Variants in KHDRBS2 observed in about 807,000 individuals in gnomAD.
KHDRBS2 encodes the protein KH RNA binding domain containing, signal transduction associated 2, also known as KH domain-containing, RNA-binding, signal transduction-associated protein 2.
A neutral mutation model predicts 44.3 loss-of-function variants in KHDRBS2; 26 were observed. That is an observed-to-expected ratio of 0.59 (90% CI 0.43 to 0.81). KHDRBS2 has a LOEUF of 0.81. KHDRBS2 is among the 40% of genes least tolerant of loss of function. KHDRBS2 has a pLI of 0.00. For missense variants in KHDRBS2, 476 were observed against 433.1 expected, an observed-to-expected ratio of 1.10 and a Z score of -0.88; for synonymous variants, 194 against 151.1, an observed-to-expected ratio of 1.28 and a Z score of -2.08.
At chr6:62,243,333 G>C (rs1423099367) in intron 1 of KHDRBS2, among the ~76,000 whole-genome samples, 1 of 149,132 alleles carries the variant, frequency 6.7e-6, no homozygotes, top group Non-Finnish European at 1.5e-5. Context: ...GACTGACATG[G>C]TGCAGTTATA....
chr6:62,205,837 T>C (rs1223784951), intron 1 of KHDRBS2, among the ~76,000 whole-genome samples: 2 of 152,106 alleles, frequency 1.3e-5, no homozygotes, highest in Non-Finnish European at 2.9e-5. Context: ...GAATACTTTG[T>C]GATTATATTA....
At position 61,851,227 on chromosome 6, in the gene KHDRBS2, G is replaced by A. The variant is rs535966192; in HGVS notation, c.810+43408C>T. ...TATATATACACACACACATATATAT[G>A]TGTATATATGTATATACGTGTGTGT... On this transcript the variant is annotated intron_variant, in intron 6 of 8. Coordinates refer to ENST00000281156, the MANE Select transcript of KHDRBS2 (RefSeq NM_152688.4). 1.2e-4 allele frequency among the ~76,000 whole-genome samples: 18 copies of A among 151,566 alleles called. No homozygotes were observed. The East Asian group carries it at 2.9e-3, about 25-fold the overall frequency.
chr6:62,214,243 T>C (rs1829604537), intron 1 of KHDRBS2, among the ~76,000 whole-genome samples: 1 of 152,114 alleles, frequency 6.6e-6, no homozygotes, highest in Non-Finnish European at 1.5e-5. Context: ...TCAACCACAG[T>C]ATAGACATTT....
chr6:62,123,368 T>C (rs1469189890), intron 2 of KHDRBS2, among the ~76,000 whole-genome samples: 1 of 152,248 alleles, frequency 6.6e-6, no homozygotes, highest in African/African-American at 2.4e-5. Flanking sequence ...TATGTGTGCA[T>C]GTGTCTTTAT....
the KHDRBS2 span, among the ~76,000 whole-genome samples, chr6:61,578,682 G>T: frequency 6.6e-6 from 1 of 152,170 alleles, no homozygotes; most frequent in East Asian, 1.9e-4. Context: ...TATTTTTAAT[G>T]TAATAAAGTT....
At chr6:62,085,516 C>T (rs1336046545) in intron 2 of KHDRBS2, among the ~76,000 whole-genome samples, 1 of 152,038 alleles carries the variant, frequency 6.6e-6, no homozygotes, top group East Asian at 1.9e-4. Flanking sequence ...ACAGAAAATC[C>T]AAGGTCTTTA....
chr6:61,688,127 T>C (rs1767015216), intron 8 of KHDRBS2, among the ~76,000 whole-genome samples: 1 of 151,934 alleles, frequency 6.6e-6, no homozygotes, highest in South Asian at 2.1e-4. Context: ...CTCTGCTGTA[T>C]AGTATCCTGC....
chr6:62,071,040 G>A (rs1794935229), intron 2 of KHDRBS2, among the ~76,000 whole-genome samples: 1 of 152,174 alleles, frequency 6.6e-6, no homozygotes, highest in African/African-American at 2.4e-5. Flanking sequence ...TTTAACTGGT[G>A]TGAGATGGTA....
At chr6:62,230,734 G>A (rs1832763755) in intron 1 of KHDRBS2, among the ~76,000 whole-genome samples, 3 of 152,072 alleles carry the variant, frequency 2.0e-5, no homozygotes, top group African/African-American at 7.2e-5. Context: ...AAGATTCACA[G>A]GGCAATTAAA....
At chr6:62,155,496 A>T (rs1275806741) in intron 2 of KHDRBS2, among the ~76,000 whole-genome samples, 1 of 152,154 alleles carries the variant, frequency 6.6e-6, no homozygotes, top group Non-Finnish European at 1.5e-5. Flanking sequence ...AGAAGATGAG[A>T]TTGCCTGGGA....
the KHDRBS2 span, among the ~76,000 whole-genome samples, chr6:61,630,688 T>C: frequency 2.6e-5 from 4 of 152,096 alleles, no homozygotes; most frequent in South Asian, 2.1e-4. Flanking sequence ...TCCTCAGACA[T>C]TGAGCCAGAG....
chr6:62,072,161 A>G (rs951235320), intron 2 of KHDRBS2, among the ~76,000 whole-genome samples: 9 of 152,152 alleles, frequency 5.9e-5, no homozygotes, highest in Admixed American at 5.2e-4. Flanking sequence ...TTGGTGTATA[A>G]GAGTGCTTGT....
the KHDRBS2 span, among the ~76,000 whole-genome samples, chr6:61,647,486 C>G: frequency 6.6e-6 from 1 of 152,174 alleles, no homozygotes; most frequent in East Asian, 1.9e-4. Flanking sequence ...TGTTTGTTAA[C>G]CATTCCTCCC....
At chr6:61,794,270 C>T (rs1223042738) in intron 6 of KHDRBS2, among the ~76,000 whole-genome samples, 2 of 152,124 alleles carry the variant, frequency 1.3e-5, no homozygotes, top group Admixed American at 6.6e-5. Flanking sequence ...ACCCATTCCA[C>T]CGATGGGGAA....
intron 6 of KHDRBS2, among the ~76,000 whole-genome samples, chr6:61,793,274 TA>T (rs1340554077): frequency 6.6e-6 from 1 of 152,012 alleles, no homozygotes; most frequent in African/African-American, 2.4e-5. Flanking sequence ...ATCCAAAAAG[TA>T]AAATGTACAA....
At chr6:62,188,127 C>T (rs904885578) in intron 1 of KHDRBS2, among the ~76,000 whole-genome samples, 3 of 152,026 alleles carry the variant, frequency 2.0e-5, no homozygotes, top group African/African-American at 7.3e-5. Flanking sequence ...AGCACCAATC[C>T]ATTCATGAGG....
At chr6:62,158,299 G>C (rs1816890063) in intron 2 of KHDRBS2, among the ~76,000 whole-genome samples, 1 of 152,264 alleles carries the variant, frequency 6.6e-6, no homozygotes, top group South Asian at 2.1e-4. Flanking sequence ...GATTATACTT[G>C]TGTCAGCTTA....
At chr6:61,641,136 G>A in the KHDRBS2 span, among the ~76,000 whole-genome samples, 1 of 152,090 alleles carries the variant, frequency 6.6e-6, no homozygotes, top group Non-Finnish European at 1.5e-5. Flanking sequence ...TGTCAGAGAT[G>A]CACCTCCATT....
chr6:61,779,951 A>G (rs927329697), intron 6 of KHDRBS2, among the ~76,000 whole-genome samples: 1 of 152,044 alleles, frequency 6.6e-6, no homozygotes, highest in Non-Finnish European at 1.5e-5. Context: ...AAAACTTACT[A>G]TATTGTAGCA....
Sources: gnomAD v4.1 joint callset for allele counts (sites outside exome capture counted in the v4.1 genomes callset) on GRCh38, gnomAD v4.1.1 for gene constraint, MANE v1.5 for transcripts, NCBI Gene and HGNC (gene_info 2026-07-23, HGNC 2026-07-21) for gene names.